Variants in HNRNPH1 observed in about 807,000 individuals in gnomAD.
The protein encoded by HNRNPH1 is heterogeneous nuclear ribonucleoprotein H1.
Under a neutral mutation model 58.6 loss-of-function variants are expected in HNRNPH1, and 4 were observed. The observed-to-expected ratio is 0.07, with a 90% CI of 0.03 to 0.16. HNRNPH1 has a LOEUF of 0.16. Ranked by LOEUF, HNRNPH1 falls within the 10% of genes least tolerant of loss-of-function variation. The pLI is 1.00. For missense variants in HNRNPH1, 271 were observed against 564.2 expected, an observed-to-expected ratio of 0.48 and a Z score of 5.26; for synonymous variants, 192 against 189.2, an observed-to-expected ratio of 1.01 and a Z score of -0.12.
At chr5:179,616,768 T>C (rs1191777515) in intron 10 of HNRNPH1, 101 bp downstream of exon 11, 2 of 1,051,984 alleles carry the variant, frequency 1.9e-6, no homozygotes, top group Non-Finnish European at 2.8e-6. Flanking sequence ...TTTGCCTAAG[T>C]TTCTTATGCT....
intron 2 of HNRNPH1, among the ~76,000 whole-genome samples, chr5:179,632,897 C>A (rs1160566837): frequency 4.8e-5 from 6 of 124,254 alleles, no homozygotes; most frequent in African/African-American, 1.8e-4. Flanking sequence ...CCTGCTCTGT[C>A]GCCAGGCTGG....
chr5:179,615,856 C>T, intron 11 of HNRNPH1: 1 of 517,932 alleles, frequency 1.9e-6, no homozygotes, highest in Admixed American at 3.6e-5. Flanking sequence ...TATTCCAAAG[C>T]TGCAATGACT....
intron 4 of HNRNPH1, chr5:179,618,892 T>C (rs375349879): frequency 6.2e-6 from 1 of 162,482 alleles, no homozygotes; most frequent in East Asian, 1.8e-4. Context: ...AAGAAAAAGT[T>C]TGTTGCATTT....
chr5:179,614,480 T>C (rs533302262), exon 13 of HNRNPH1: 111 of 159,888 alleles, frequency 6.9e-4, no homozygotes, highest in Middle Eastern at 3.0e-3. Flanking sequence ...AATAAAAGCA[T>C]GTCTTTCAAC....
At chr5:179,616,282 G>C in intron 10 of HNRNPH1, 64 bp from the exon 12 acceptor site, 1 of 1,243,406 alleles carries the variant, frequency 8.0e-7, no homozygotes, top group African/African-American at 1.5e-5. Flanking sequence ...GTGGTACCGG[G>C]CTTGTAATTC....
At chr5:179,620,283 G>A (rs547140446) in intron 3 of HNRNPH1, among the ~76,000 whole-genome samples, 4 of 152,190 alleles carry the variant, frequency 2.6e-5, no homozygotes, top group South Asian at 2.1e-4. Context: ...AATCTTATCA[G>A]CTCTTCAGCA....
At chr5:179,624,660 C>T (rs1052904354) in exon 1 of HNRNPH1, 2 of 398,472 alleles carry the variant, frequency 5.0e-6, no homozygotes, top group Non-Finnish European at 8.8e-6. Flanking sequence ...TTCGTGGTTT[C>T]TAGCAGCACT....
intron 4 of HNRNPH1, chr5:179,618,997 A>G (rs1454250589): frequency 4.1e-6 from 1 of 243,828 alleles, no homozygotes; most frequent in Non-Finnish European, 7.8e-6. Context: ...CCAGGTTTGC[A>G]TTAATTTTTT....
upstream of HNRNPH1, among the ~76,000 whole-genome samples, chr5:179,626,113 G>A (rs937400649): frequency 1.4e-5 from 2 of 146,622 alleles, no homozygotes; most frequent in African/African-American, 5.1e-5. Flanking sequence ...TTTTTGTTTG[G>A]TTTTGTTTTT....
intron 2 of HNRNPH1, among the ~76,000 whole-genome samples, chr5:179,633,209 G>A (rs1182410408): frequency 6.6e-6 from 1 of 151,482 alleles, no homozygotes; most frequent in Non-Finnish European, 1.5e-5. Flanking sequence ...TCATGCTGGT[G>A]TTGAACTCCA....
At chr5:179,623,298 C>T (rs909435827) in exon 1 of HNRNPH1, 3 of 472,996 alleles carry the variant, frequency 6.3e-6, no homozygotes, top group Non-Finnish European at 1.2e-5. Flanking sequence ...ACTCCAACAC[C>T]TCCTCGTCCG....
In HNRNPH1 at chr5:179,618,130, C is replaced by G. The variant is rs1364730092; in HGVS notation, c.715+15G>C. On this transcript the variant is annotated intron_variant, in intron 5 of 12. Coordinates refer to ENST00000356731, the Ensembl canonical transcript of HNRNPH1. Reference sequence around the variant, plus strand: ...GGAACAGACGACTTGCCGAACCTTACGAATCCTCACGTACCTCCACCATAA... The same window carrying G: ...GGAACAGACGACTTGCCGAACCTTAGGAATCCTCACGTACCTCCACCATAA... 1 of 1,613,248 alleles carries G rather than the reference C, an allele frequency of 6.2e-7. No individual in the cohort carries two copies. Among genetic ancestry groups the G allele is most frequent in the Non-Finnish European group, 8.5e-7 (1 of 1,179,616 alleles).
intron 2 of HNRNPH1, 32 bp downstream of exon 3, chr5:179,621,210 A>AT: frequency 1.2e-6 from 2 of 1,601,826 alleles, no homozygotes; most frequent in Non-Finnish European, 1.7e-6. Flanking sequence ...TTAATGCTTT[A>AT]TTTACTGTAA....
chr5:179,622,887 G>A (rs866018201), intron 1 of HNRNPH1, 150 bp downstream of exon 2: 3 of 129,308 alleles, frequency 2.3e-5, no homozygotes, highest in South Asian at 2.3e-4. Flanking sequence ...GGTGAGTGTA[G>A]TCGCCCGCGC....
exon 1 of HNRNPH1, chr5:179,634,776 AC>A (rs1455991659): frequency 7.7e-6 from 1 of 130,516 alleles, no homozygotes; most frequent in Non-Finnish European, 1.8e-5. Context: ...ATGGCGGGGA[AC>A]CGGGACTGCC....
chr5:179,614,846 T>C (rs1464332729), exon 13 of HNRNPH1: 27 of 1,405,514 alleles, frequency 1.9e-5, no homozygotes, highest in South Asian at 3.7e-5. Context: ...ATCAATTACA[T>C]TCCCCATCCA....
chr5:179,614,835 G>C (rs774833761), exon 13 of HNRNPH1: 9 of 1,180,718 alleles, frequency 7.6e-6, no homozygotes, highest in African/African-American at 6.3e-5. Context: ...GATCAGGATC[G>C]ATCAATTACA....
rs113598159 is a variant in HNRNPH1 at position 179,630,210 on chromosome 5, G to A, written c.-32+3855C>T. ...CTAAAAATACAAAAATTAGTCAGGCGTGCTGGCAGATGCCTGTAATCCCAG... is the reference window on the plus strand; with the variant it reads ...CTAAAAATACAAAAATTAGTCAGGCATGCTGGCAGATGCCTGTAATCCCAG... On this transcript the variant is annotated intron_variant, in intron 2 of 4. Transcript: ENST00000521116. 7.0e-3 allele frequency among the ~76,000 whole-genome samples: 1,061 copies of A among 151,758 alleles called. 13 individuals carry two copies. The highest frequency in any genetic ancestry group is 0.023 in the African/African-American group (966 of 41,330).
chr5:179,617,708 T>C (rs1770467613), intron 7 of HNRNPH1, 59 bp from the exon 9 acceptor site: 2 of 1,602,700 alleles, frequency 1.2e-6, no homozygotes, highest in East Asian at 4.5e-5. Flanking sequence ...AAAAAAAACC[T>C]AAAATTTCTA....
Sources: allele counts gnomAD v4.1 joint callset (sites outside exome capture counted in the v4.1 genomes callset), GRCh38; gene constraint gnomAD v4.1.1; transcripts MANE v1.5; gene names NCBI Gene and HGNC (gene_info 2026-07-23, HGNC 2026-07-21).